Variants in FBN3 observed in about 807,000 individuals in gnomAD.
FBN3 encodes the protein fibrillin 3, also known as fibrillin-3.
Under a neutral mutation model 330.1 loss-of-function variants are expected in FBN3, and 234 were observed. The ratio of observed to expected loss-of-function variants is 0.71; its 90% CI spans 0.64 to 0.79. The LOEUF is 0.79. Among genes scored for constraint, FBN3 ranks in the 30% least tolerant of loss-of-function variants. The pLI, the probability that FBN3 is intolerant of heterozygous loss-of-function variation, is 0.00. For missense variants in FBN3, 3,606 were observed against 3,886.9 expected (o/e 0.93, Z 1.92); for synonymous variants, 1,458 against 1,517.3 (o/e 0.96, Z 0.91).
intron 18 of FBN3, 79 bp from the exon 19 acceptor site, chr19:8,126,911 G>A: frequency 6.7e-7 from 1 of 1,485,210 alleles, no homozygotes; most frequent in Non-Finnish European, 9.0e-7. Context: ...CTCCCCAAGG[G>A]GCCGCCGCAA....
At chr19:8,139,095 T>C (rs180971007) in intron 8 of FBN3, among the ~76,000 whole-genome samples, 15 of 151,808 alleles carry the variant, frequency 9.9e-5, no homozygotes, top group African/African-American at 3.6e-4. Context: ...ACGCCTGTAA[T>C]CTCAGCACTT....
Position 8,075,347 on chromosome 19 carries a change from C to G in FBN3, c.7518G>C (p.Pro2506=). ...GGTGGCATTCACAGCGGAAGCTGCCCGGGGTGTTGTGGCAGTGCCCGTGGG... is the reference window on the plus strand; with the variant it reads ...GGTGGCATTCACAGCGGAAGCTGCCGGGGGTGTTGTGGCAGTGCCCGTGGG... The part of the protein sequence containing the change: ...CGAHGHCHNT[P]GSFRCECHQG... Residue 2506 remains proline, a synonymous_variant, in exon 60 of 64, where the codon CCG becomes CCC. Coordinates refer to ENST00000600128, the MANE Select transcript of FBN3 (RefSeq NM_032447.5). 6.2e-7 allele frequency: 1 copy of G among 1,614,182 alleles called. No individual in the cohort carries two copies. Among genetic ancestry groups the G allele is most frequent in the Non-Finnish European group, 8.5e-7 (1 of 1,180,036 alleles).
At chr19:8,082,951 C>T (rs978118921) in intron 57 of FBN3, among the ~76,000 whole-genome samples, 4 of 152,020 alleles carry the variant, frequency 2.6e-5, no homozygotes, top group Admixed American at 6.6e-5. Flanking sequence ...GGGCTACAGG[C>T]GCATGTGGGA....
In FBN3 at chr19:8,112,118, C is replaced by A. The variant is rs748634248; in HGVS notation, c.3839-19G>T. 1 of 1,609,700 alleles carries A rather than the reference C, an allele frequency of 6.2e-7. No homozygotes were observed. The highest frequency in any genetic ancestry group is 8.5e-7 in the Non-Finnish European group (1 of 1,177,538). Reference sequence around the variant, plus strand: ...TCCACATCTAAAGGGAGAGGAGGCACGACGCCAAGACCCAGTCACAGAAGG... The same window carrying A: ...TCCACATCTAAAGGGAGAGGAGGCAAGACGCCAAGACCCAGTCACAGAAGG... On this transcript the variant is annotated intron_variant, in intron 30 of 63. Coordinates refer to ENST00000600128, the MANE Select transcript of FBN3 (RefSeq NM_032447.5).
In FBN3 at chr19:8,129,640, A is replaced by G. The variant is rs544384795; in HGVS notation, c.2045-275T>C. On this transcript the variant is annotated intron_variant, in intron 16 of 63. Coordinates refer to ENST00000600128, the MANE Select transcript of FBN3 (RefSeq NM_032447.5). The surrounding 1 kb of genome is among the most constrained non-coding windows in gnomAD (Gnocchi z 4.5). ...TGGCCTCCACCCATGAGATGTCAGTAGCACCCACCGCCCCAGTATTACTCC... is the reference window on the plus strand; with the variant it reads ...TGGCCTCCACCCATGAGATGTCAGTGGCACCCACCGCCCCAGTATTACTCC... Among the ~76,000 whole-genome samples, 1 of 152,250 alleles carries G rather than the reference A, an allele frequency of 6.6e-6. No individual in the cohort carries two copies. The highest frequency in any genetic ancestry group is 1.9e-4 in the East Asian group (1 of 5,172).
In FBN3 at chr19:8,094,403, G is replaced by C. The variant is rs777568084; in HGVS notation, c.5905+43C>G. On this transcript the variant is annotated intron_variant, in intron 47 of 63. Coordinates refer to ENST00000600128, the MANE Select transcript of FBN3 (RefSeq NM_032447.5). ...CCATTTTATGGATGGAGAAAGAGAGGCACTCCCTGGCGCCAGAAACGGGAG... is the reference window on the plus strand; with the variant it reads ...CCATTTTATGGATGGAGAAAGAGAGCCACTCCCTGGCGCCAGAAACGGGAG... 3.1e-5 allele frequency: 48 copies of C among 1,573,492 alleles called. 1 individual carries two copies. The highest frequency in any genetic ancestry group is 6.9e-6 in the Non-Finnish European group (8 of 1,153,706).
rs1195704489 is a variant in FBN3 at position 8,121,287 on chromosome 19, C to T, written c.3182G>A (p.Ser1061Asn). Residue 1061 changes from serine to asparagine, a missense_variant, in exon 25 of 64, where the codon AGT becomes AAT. By Grantham distance (46) the Ser-to-Asn change is conservative (BLOSUM62 1). Transcript: ENST00000600128. This position sits in a 1 kb window ranked among gnomAD's most constrained non-coding sequence, Gnocchi z 4.5. ...GCAGTTCTTCATCAGCATGAAGCCA[C>T]TCTCGTAGCCGGGAAAACACTCGCA... ...FECECFPGYE[S>N]GFMLMKNCMD... 3.7e-6 allele frequency: 6 copies of T among 1,611,764 alleles called. No homozygotes were observed. In the South Asian group the frequency reaches 4.4e-5, roughly 12 times the overall value.
Position 8,118,965 on chromosome 19 carries a change from G to A in FBN3, c.3269C>T (p.Thr1090Met), listed in dbSNP as rs769489508. Residue 1090 changes from threonine (T) to methionine (M), a missense_variant, in exon 26 of 64, where the codon ACG becomes ATG. Physicochemically the swap from Thr to Met is moderately conservative, Grantham distance 81. Coordinates refer to ENST00000600128, the MANE Select transcript of FBN3 (RefSeq NM_032447.5). ...LLCRGGTCTN[T>M]DGSYKCQCPP... ...ACACTGGCACTTGTAGCTCCCATCCGTGTTGGTGCAAGTGCCTCCCCGGCA... is the reference window on the plus strand; with the variant it reads ...ACACTGGCACTTGTAGCTCCCATCCATGTTGGTGCAAGTGCCTCCCCGGCA... The A allele has an allele frequency of 2.0e-5, 32 of 1,612,538 alleles. No homozygotes were observed. Among genetic ancestry groups the A allele is most frequent in the African/African-American group, 2.7e-5 (2 of 74,916 alleles).
intron 13 of FBN3, among the ~76,000 whole-genome samples, chr19:8,135,562 C>CT (rs143079189): frequency 0.31 from 45,188 of 146,152 alleles, 7,325 homozygotes; most frequent in African/African-American, 0.43. Context: ...ACTCGGACTT[C>CT]TTTTTTTTTT....
intron 13 of FBN3, 25 bp downstream of exon 13, chr19:8,135,936 G>GGGGGGGGGGGGGGGGGGGGGCC: frequency 2.7e-5 from 18 of 668,770 alleles, no homozygotes; most frequent in Non-Finnish European, 3.8e-5. Flanking sequence ...GGAAGCCCCT[G>GGGGGGGGGGGGGGGGGGGGGCC]CCCACCCGCC....
rs2082905592 is a variant in FBN3 at position 8,123,562 on chromosome 19, C to T, written c.2984G>A (p.Gly995Asp). 1.2e-5 allele frequency: 19 copies of T among 1,614,056 alleles called. No homozygotes were observed. Among genetic ancestry groups the T allele is most frequent in the Non-Finnish European group, 1.6e-5 (19 of 1,180,030 alleles). The change falls in exon 24 of 64, where the codon GGC becomes GAC. Residue 995 changes from glycine to aspartate, a missense_variant. Gly to Asp is a moderately conservative substitution (Grantham distance 94, BLOSUM62 -1). Coordinates refer to ENST00000600128, the MANE Select transcript of FBN3 (RefSeq NM_032447.5). ...KDVNECKVFP[G>D]LCTHGTCRNT... ...TCTGCAGGTACCGTGCGTGCAGAGG[C>T]CAGGGAACACCTTGCATTCATTCAC...
At chr19:8,115,091 G>A (rs1467245246) in intron 30 of FBN3, among the ~76,000 whole-genome samples, 2 of 152,110 alleles carry the variant, frequency 1.3e-5, no homozygotes, top group African/African-American at 4.8e-5. Flanking sequence ...CTGACCTCAG[G>A]TGATCTGCCC....
At chr19:8,122,496 A>G (rs1156575002) in intron 24 of FBN3, among the ~76,000 whole-genome samples, 2 of 151,934 alleles carry the variant, frequency 1.3e-5, no homozygotes, top group African/African-American at 2.4e-5. Flanking sequence ...CCTCCCGAGT[A>G]GCTGGGATTA....
rs1599460297 is a variant in FBN3 at position 8,147,038 on chromosome 19, A to G, written c.250+66T>C. 6.4e-6 allele frequency: 9 copies of G among 1,407,304 alleles called. No homozygotes were observed. In the East Asian group the frequency reaches 2.2e-4, roughly 35 times the overall value. 87.2% of individuals were successfully genotyped at this position (1,407,304 alleles called of 1,614,324 possible). A position where few individuals can be genotyped will look rare whatever the true frequency, so the allele number is the denominator to read the frequency against. Reference sequence around the variant, plus strand: ...TAAGTCCCCGTGTAAACAGAGCTGAACCTGCAGGCAGGTAAGAGTGTCCCC... The same window carrying G: ...TAAGTCCCCGTGTAAACAGAGCTGAGCCTGCAGGCAGGTAAGAGTGTCCCC... On this transcript the variant is annotated intron_variant, in intron 3 of 63. Coordinates refer to ENST00000600128, the MANE Select transcript of FBN3 (RefSeq NM_032447.5).
intron 8 of FBN3, among the ~76,000 whole-genome samples, chr19:8,139,397 G>A (rs530024607): frequency 3.9e-5 from 6 of 152,206 alleles, no homozygotes; most frequent in Non-Finnish European, 5.9e-5. Context: ...GCCAATGCTC[G>A]CTCAGTGCCA....
chr19:8,091,568 C>G lies in FBN3; in HGVS notation c.5928G>C (p.Glu1976Asp), dbSNP rs2082095981. 1.2e-6 allele frequency: 2 copies of G among 1,613,958 alleles called. No individual in the cohort carries two copies. The highest frequency in any genetic ancestry group is 1.3e-5 in the African/African-American group (1 of 74,932). Reference protein sequence around the residue: ...HCIDIDECSEEPNLCLFGTCT... With the variant: ...HCIDIDECSEDPNLCLFGTCT... ...AGGTGCCAAAGAGGCAGAGGTTGGGCTCCTCTGAGCACTCGTCGATATCTG... is the reference window on the plus strand; with the variant it reads ...AGGTGCCAAAGAGGCAGAGGTTGGGGTCCTCTGAGCACTCGTCGATATCTG... The change falls in exon 48 of 64, where the codon GAG (glutamate) becomes GAC (aspartate). Residue 1976 changes from glutamate to aspartate, a missense_variant. Glu to Asp is a conservative substitution (Grantham distance 45). Transcript: ENST00000600128.
chr19:8,116,735 C>G lies in FBN3; in HGVS notation c.3651G>C (p.Gly1217=). The G allele has an allele frequency of 6.2e-7, 1 of 1,614,090 alleles. No individual in the cohort carries two copies. Among genetic ancestry groups the G allele is most frequent in the South Asian group, 1.1e-5 (1 of 91,082 alleles). Reference sequence around the variant, plus strand: ...CATCATAGCACAGGCAGCGGTGACCCCCTGGCATGTTGGTGCAGTGGCCTT... The same window carrying G: ...CATCATAGCACAGGCAGCGGTGACCGCCTGGCATGTTGGTGCAGTGGCCTT... ...CDQGHCTNMP[G]GHRCLCYDGF... Residue 1217 remains glycine, a synonymous_variant, in exon 29 of 64, where the codon GGG becomes GGC. Transcript: ENST00000600128.
intron 63 of FBN3, among the ~76,000 whole-genome samples, chr19:8,070,485 G>A (rs77384136): frequency 0.058 from 8,755 of 152,236 alleles, 334 homozygotes; most frequent in Middle Eastern, 0.082. Context: ...GTCTGCAGTG[G>A]GGGTGAGTTT....
chr19:8,102,833 T>A lies in FBN3; in HGVS notation c.4980A>T (p.Thr1660=). Residue 1660 remains threonine, a synonymous_variant, in exon 40 of 64, where the codon ACA becomes ACT. Transcript: ENST00000600128. ...KSVCFRHYNG[T]CQNELAFNVT... is the part of the protein sequence containing the mutation. The stretch of plus-strand genomic sequence containing the variant: ...CGTTGAAGGCCAGCTCATTTTGACA[T>A]GTGCCGTTATAGTGCCGGAAGCAGA... The A allele has an allele frequency of 1.9e-6, 3 of 1,614,126 alleles. No individual in the cohort carries two copies. Among genetic ancestry groups the A allele is most frequent in the Non-Finnish European group, 2.5e-6 (3 of 1,180,004 alleles).
Sources: allele counts gnomAD v4.1 joint callset (sites outside exome capture counted in the v4.1 genomes callset), GRCh38; gene constraint gnomAD v4.1.1; non-coding constraint Gnocchi (gnomAD v3.1); transcripts MANE v1.5; gene names NCBI Gene and HGNC (gene_info 2026-07-23, HGNC 2026-07-21).